MGAT4C: variants seen among roughly 807,000 people sequenced by gnomAD.
MGAT4C encodes MGAT4 family member C.
Under a neutral mutation model 40.1 loss-of-function variants are expected in MGAT4C, and 19 were observed. That is an observed-to-expected ratio of 0.47 (90% CI 0.33 to 0.70). The LOEUF (loss-of-function observed/expected upper bound fraction) is 0.70, where lower values mean the gene tolerates loss of function less well. Ranked by LOEUF, MGAT4C falls within the 30% of genes least tolerant of loss-of-function variation. MGAT4C has a pLI of 0.02. For missense variants in MGAT4C, 491 were observed against 563.2 expected (o/e 0.87, Z 1.30); for synonymous variants, 181 against 187.1 (o/e 0.97, Z 0.27).
At position 86,031,141 on chromosome 12, in the gene MGAT4C, T is replaced by A. The variant is rs140148375; in HGVS notation, c.-7+18533A>T. Among the ~76,000 whole-genome samples, 530 of 151,790 alleles carry A rather than the reference T, an allele frequency of 3.5e-3. 2 individuals are homozygous for A. The Middle Eastern group carries it at 0.037, about 11-fold the overall frequency. ...TTTTTCTTTTGAGTACAAAATGTAGTCAACTTGGGTTTCAAAATTATGTAT... is the reference window on the plus strand; with the variant it reads ...TTTTTCTTTTGAGTACAAAATGTAGACAACTTGGGTTTCAAAATTATGTAT... On this transcript the variant is annotated intron_variant, in intron 2 of 4. Coordinates refer to ENST00000611864, the MANE Select transcript of MGAT4C (RefSeq NM_001351288.2).
intron 3 of MGAT4C, among the ~76,000 whole-genome samples, chr12:86,337,579 C>G (rs1432373480): frequency 1.8e-5 from 2 of 113,634 alleles, no homozygotes; most frequent in African/African-American, 7.8e-5. Flanking sequence ...GGAATGAAAT[C>G]TTGTCTCAAA....
intron 2 of MGAT4C, among the ~76,000 whole-genome samples, chr12:86,679,135 G>A (rs2136576319): frequency 6.6e-6 from 1 of 152,274 alleles, no homozygotes; most frequent in East Asian, 1.9e-4. Flanking sequence ...ACTGGTGTGA[G>A]ATGGTATCTC....
intron 2 of MGAT4C, among the ~76,000 whole-genome samples, chr12:86,019,286 A>AT (rs1186664645): frequency 6.6e-6 from 1 of 152,126 alleles, no homozygotes; most frequent in Non-Finnish European, 1.5e-5. Context: ...TATATTCGTG[A>AT]TTATTCTTAC....
chr12:86,359,609 G>C (rs1248326889), intron 3 of MGAT4C, among the ~76,000 whole-genome samples: 4 of 151,850 alleles, frequency 2.6e-5, no homozygotes, highest in African/African-American at 9.7e-5. Flanking sequence ...AGAAAAGAGA[G>C]AAGAATCAAA....
chr12:86,697,953 C>A (rs1453487587), intron 2 of MGAT4C, among the ~76,000 whole-genome samples: 1 of 151,982 alleles, frequency 6.6e-6, no homozygotes, highest in East Asian at 1.9e-4. Context: ...TTTTTAATAA[C>A]CTCATATTCT....
At chr12:86,204,789 C>T (rs1950187783) in intron 1 of MGAT4C, among the ~76,000 whole-genome samples, 1 of 151,950 alleles carries the variant, frequency 6.6e-6, no homozygotes, top group Admixed American at 6.6e-5. Context: ...GATATGTCAA[C>T]ATATGTAAAG....
rs142739073 is a variant in MGAT4C at position 86,273,611 on chromosome 12, G to A, written c.-57+60454C>T. Among the ~76,000 whole-genome samples, 10 of 152,172 alleles carry A rather than the reference G, an allele frequency of 6.6e-5. No individual in the cohort carries two copies. The East Asian group carries it at 1.4e-3, about 21-fold the overall frequency. On this transcript the variant is annotated intron_variant, in intron 4 of 7. Transcript: ENST00000548651. ...AACTGAGAGATAAGAGATGAGACCTGGAGTCACAATGTGGAAATTCATCAG... is the reference window on the plus strand; with the variant it reads ...AACTGAGAGATAAGAGATGAGACCTAGAGTCACAATGTGGAAATTCATCAG...
chr12:86,304,499 C>T (rs1234074231), intron 4 of MGAT4C, among the ~76,000 whole-genome samples: 2 of 150,526 alleles, frequency 1.3e-5, no homozygotes. Context: ...ATCAAATATC[C>T]TAATATATTT....
chr12:86,379,574 C>T (rs573411663), intron 3 of MGAT4C, among the ~76,000 whole-genome samples: 11 of 152,026 alleles, frequency 7.2e-5, no homozygotes, highest in South Asian at 2.1e-4. Flanking sequence ...CTGCTTAGAA[C>T]GGTACATGGC....
chr12:86,515,334 A>T lies in MGAT4C; in HGVS notation c.-228-80069T>A, dbSNP rs1958663943. 3.9e-5 allele frequency among the ~76,000 whole-genome samples: 6 copies of T among 152,344 alleles called. 1 individual carries two copies. The South Asian group carries it at 8.3e-4, about 21-fold the overall frequency. On this transcript the variant is annotated intron_variant, in intron 2 of 7. Transcript: ENST00000548651. ...TGAAATGAAAAATCGAAAAGAAAGA[A>T]GCAAAACTATTTCTCTTCCCAGAAG... is the stretch of plus-strand genomic sequence containing the variant.
rs766106662 is a variant in MGAT4C, at chr12:86,265,078, C to G, written c.-57+68987G>C. 9.8e-5 allele frequency among the ~76,000 whole-genome samples: 15 copies of G among 152,304 alleles called. 1 individual carries two copies. The highest frequency in any genetic ancestry group is 7.7e-4 in the East Asian group (4 of 5,164). On this transcript the variant is annotated intron_variant, in intron 4 of 7. Coordinates refer to the MGAT4C transcript ENST00000548651. ...CGCAGCCTCACAGGGAGCCGGCACC[C>G]GTGCGGGCACCTGGAGCTGCCCCAC...
chr12:86,089,338 G>A (rs1031592752), intron 1 of MGAT4C, among the ~76,000 whole-genome samples: 10 of 151,722 alleles, frequency 6.6e-5, no homozygotes, highest in African/African-American at 2.2e-4. Context: ...TTAATACATT[G>A]AAAATGTATT....
intron 1 of MGAT4C, among the ~76,000 whole-genome samples, chr12:86,743,215 G>T (rs1353934296): frequency 7.0e-6 from 1 of 142,476 alleles, no homozygotes; most frequent in African/African-American, 2.6e-5. Flanking sequence ...AATAAGTACG[G>T]CAGAGTTAAT....
chr12:86,000,054 A>G (rs1342817842), intron 2 of MGAT4C, among the ~76,000 whole-genome samples: 1 of 152,220 alleles, frequency 6.6e-6, no homozygotes, highest in East Asian at 1.9e-4. Flanking sequence ...AGATATGCTA[A>G]TTACCTTAAT....
intron 2 of MGAT4C, among the ~76,000 whole-genome samples, chr12:86,524,718 T>G (rs1471211144): frequency 6.6e-6 from 1 of 152,188 alleles, no homozygotes; most frequent in African/African-American, 2.4e-5. Flanking sequence ...AGTCTTACAT[T>G]TGGTATCTTT....
In MGAT4C at chr12:86,008,007, A is replaced by G. The variant is rs147316478; in HGVS notation, c.-6-18455T>C. Among the ~76,000 whole-genome samples, 392 of 145,988 alleles carry G rather than the reference A, an allele frequency of 2.7e-3. 1 individual carries two copies. The highest frequency in any genetic ancestry group is 9.0e-3 in the African/African-American group (368 of 41,046). On this transcript the variant is annotated intron_variant, in intron 2 of 4. Transcript: ENST00000611864. The stretch of plus-strand genomic sequence containing the variant: ...GTGTGGTTATATGTTTGAAATCTCT[A>G]TTAGGTATATGTCTCTATTTATTTT...
chr12:86,485,564 C>T (rs927874933), intron 2 of MGAT4C, among the ~76,000 whole-genome samples: 1 of 152,120 alleles, frequency 6.6e-6, no homozygotes, highest in Non-Finnish European at 1.5e-5. Flanking sequence ...ACAAAATCTT[C>T]AAGAAATATG....
chr12:86,682,801 T>G (rs1950005243), intron 2 of MGAT4C, among the ~76,000 whole-genome samples: 1 of 152,128 alleles, frequency 6.6e-6, no homozygotes, highest in South Asian at 2.1e-4. Flanking sequence ...CAAAGTAACC[T>G]CCAGTTAAAA....
At chr12:86,813,217 T>C (rs1952510395) in intron 1 of MGAT4C, among the ~76,000 whole-genome samples, 2 of 152,048 alleles carry the variant, frequency 1.3e-5, no homozygotes, top group African/African-American at 4.8e-5. Context: ...GATGCTGTTT[T>C]TGGACATCTT....
Sources: allele counts gnomAD v4.1 joint callset (sites outside exome capture counted in the v4.1 genomes callset), GRCh38; gene constraint gnomAD v4.1.1; transcripts MANE v1.5; gene names NCBI Gene and HGNC (gene_info 2026-07-23, HGNC 2026-07-21).